The following DPYD variants were observed in gnomAD, a reference collection of about 807,000 sequenced individuals.
DPYD encodes dihydropyrimidine dehydrogenase [NADP(+)].
Under a neutral mutation model 116.2 loss-of-function variants are expected in DPYD, and 109 were observed. The ratio of observed to expected loss-of-function variants is 0.94; its 90% confidence interval spans 0.80 to 1.10. DPYD has a LOEUF of 1.10. DPYD is among the 50% of genes least tolerant of loss of function. The pLI is 0.00. For missense variants in DPYD, 1,302 were observed against 1,254.5 expected, an observed-to-expected ratio of 1.04 and a Z score of -0.57; for synonymous variants, 440 against 432.0, an observed-to-expected ratio of 1.02 and a Z score of -0.23.
intron 8 of DPYD, among the ~76,000 whole-genome samples, chr1:97,601,141 T>G (rs1655222820): frequency 6.6e-6 from 1 of 152,104 alleles, no homozygotes; most frequent in Non-Finnish European, 1.5e-5. Context: ...TAACTGTAAT[T>G]GAATAAAATT....
At chr1:97,872,454 A>T (rs1454391423) in intron 2 of DPYD, among the ~76,000 whole-genome samples, 1 of 152,004 alleles carries the variant, frequency 6.6e-6, no homozygotes, top group Admixed American at 6.6e-5. Flanking sequence ...ATGTGGAGAA[A>T]GTTGCAATCA....
intron 1 of DPYD, among the ~76,000 whole-genome samples, chr1:97,901,324 C>T (rs559066346): frequency 6.6e-5 from 10 of 151,934 alleles, no homozygotes; most frequent in South Asian, 2.1e-4. Flanking sequence ...ACTGTAAATA[C>T]TGAAATCAAT....
intron 19 of DPYD, among the ~76,000 whole-genome samples, chr1:97,207,609 T>C (rs1299195683): frequency 2.0e-5 from 3 of 152,150 alleles, no homozygotes; most frequent in Admixed American, 2.0e-4. Context: ...ATAAAAGATC[T>C]CATTTAACAA....
chr1:97,895,732 T>C (rs1673028539), intron 1 of DPYD, among the ~76,000 whole-genome samples: 1 of 151,754 alleles, frequency 6.6e-6, no homozygotes, highest in African/African-American at 2.4e-5. Context: ...AATTTATGAA[T>C]TTAAAGTTCA....
chr1:97,469,193 C>T (rs1359704899), intron 13 of DPYD, among the ~76,000 whole-genome samples: 1 of 151,778 alleles, frequency 6.6e-6, no homozygotes, highest in Non-Finnish European at 1.5e-5. Flanking sequence ...TGTTTGATAG[C>T]ACTAGATATA....
At chr1:97,276,153 T>G (rs1664915075) in intron 18 of DPYD, among the ~76,000 whole-genome samples, 1 of 152,126 alleles carries the variant, frequency 6.6e-6, no homozygotes, top group Non-Finnish European at 1.5e-5. Context: ...TGTCTTAAGT[T>G]CAACATATCC....
chr1:97,295,416 T>G (rs1666463145), intron 18 of DPYD: 1 of 150,716 alleles, frequency 6.6e-6, no homozygotes, highest in African/African-American at 2.4e-5. Context: ...ACTTAAATAC[T>G]GAGATTTATA....
chr1:97,715,642 A>T (rs188813735), intron 5 of DPYD, among the ~76,000 whole-genome samples: 170 of 152,224 alleles, frequency 1.1e-3, no homozygotes, highest in Non-Finnish European at 2.0e-3. Flanking sequence ...TGTCCTGATC[A>T]TTATCTAACC....
intron 19 of DPYD, among the ~76,000 whole-genome samples, chr1:97,199,928 G>T (rs1659089721): frequency 6.6e-6 from 1 of 152,076 alleles, no homozygotes. Context: ...AGGCCAAAAT[G>T]GGAAGTTTTG....
chr1:97,875,708 C>T (rs566121273), intron 2 of DPYD, among the ~76,000 whole-genome samples: 5 of 151,906 alleles, frequency 3.3e-5, no homozygotes, highest in Admixed American at 6.6e-5. Context: ...ATTTTAAGCT[C>T]GCATTTTCTT....
chr1:97,732,885 C>T (rs1414624757), intron 4 of DPYD, among the ~76,000 whole-genome samples: 1 of 152,048 alleles, frequency 6.6e-6, no homozygotes, highest in African/African-American at 2.4e-5. Context: ...TTCTGTAGAA[C>T]TCTTTCAGTT....
At chr1:97,634,168 G>A (rs1017338350) in intron 8 of DPYD, among the ~76,000 whole-genome samples, 2 of 152,000 alleles carry the variant, frequency 1.3e-5, no homozygotes, top group South Asian at 4.1e-4. Context: ...TAAATAGGAA[G>A]GACAGTTTAT....
intron 3 of DPYD, among the ~76,000 whole-genome samples, chr1:97,748,300 G>T (rs1664670673): frequency 6.6e-6 from 1 of 152,002 alleles, no homozygotes; most frequent in African/African-American, 2.4e-5. Flanking sequence ...TAGATTATGG[G>T]TTCATCCAGG....
intron 16 of DPYD, among the ~76,000 whole-genome samples, chr1:97,357,912 T>C (rs1298412311): frequency 6.6e-6 from 1 of 152,158 alleles, no homozygotes; most frequent in Non-Finnish European, 1.5e-5. Context: ...ATTTCTGCAT[T>C]TCCAGCTGAG....
At chr1:97,184,220 T>C (rs1010353450) in intron 20 of DPYD, among the ~76,000 whole-genome samples, 8 of 152,318 alleles carry the variant, frequency 5.3e-5, no homozygotes, top group East Asian at 1.9e-4. Flanking sequence ...AGTGCTGCAA[T>C]AAACATATGT....
At chr1:97,492,162 A>C (rs1183586485) in intron 13 of DPYD, among the ~76,000 whole-genome samples, 3 of 152,114 alleles carry the variant, frequency 2.0e-5, no homozygotes, top group African/African-American at 7.2e-5. Flanking sequence ...TATAGTCATA[A>C]ATTTGTACTC....
At chr1:97,571,262 C>G (rs1364188181) in intron 11 of DPYD, among the ~76,000 whole-genome samples, 1 of 151,988 alleles carries the variant, frequency 6.6e-6, no homozygotes, top group Non-Finnish European at 1.5e-5. Flanking sequence ...TAGAGTGTCA[C>G]AAACAAGAAT....
At chr1:97,778,213 AGAGAGAGG>A (rs1230075452) in intron 3 of DPYD, among the ~76,000 whole-genome samples, 6 of 126,242 alleles carry the variant, frequency 4.8e-5, no homozygotes, top group African/African-American at 1.4e-4. Context: ...AGAGAGAGAG[AGAGAGAGG>A]GAGGGAGGGA....
At chr1:97,256,410 C>T (rs999704099) in intron 18 of DPYD, among the ~76,000 whole-genome samples, 4 of 151,956 alleles carry the variant, frequency 2.6e-5, no homozygotes, top group Non-Finnish European at 5.9e-5. Context: ...GTGGGAGGGA[C>T]CCGGTGGGAG....
Sources: gnomAD v4.1 joint callset for allele counts (sites outside exome capture counted in the v4.1 genomes callset) on GRCh38, gnomAD v4.1.1 for gene constraint, MANE v1.5 for transcripts, NCBI Gene and HGNC (gene_info 2026-07-23, HGNC 2026-07-21) for gene names.